The following RICTOR variants were observed in gnomAD, a reference collection of about 807,000 sequenced individuals.
RICTOR encodes RPTOR independent companion of MTOR complex 2, also known as rapamycin-insensitive companion of mTOR.
RICTOR carries 49 observed loss-of-function variants against 214.9 expected under a neutral mutation model. The ratio of observed to expected loss-of-function variants is 0.23; its 90% confidence interval spans 0.18 to 0.29. RICTOR has a LOEUF of 0.29. Among genes scored for constraint, RICTOR ranks in the 10% least tolerant of loss-of-function variants. The pLI is 1.00. For synonymous variants in RICTOR, 717 were observed against 711.3 expected (o/e 1.01, Z -0.13); for missense variants, 1,625 against 2,047.0 (o/e 0.79, Z 3.98).
At chr5:38,964,126 A>AT (rs1337532759) in intron 16 of RICTOR, among the ~76,000 whole-genome samples, 6 of 151,232 alleles carry the variant, frequency 4.0e-5, no homozygotes, top group African/African-American at 1.5e-4. Context: ...TTTGATCATA[A>AT]TAACAAAATA....
At chr5:38,990,594 T>TAC (rs1752558167) in intron 7 of RICTOR, among the ~76,000 whole-genome samples, 2 of 111,728 alleles carry the variant, frequency 1.8e-5, no homozygotes, top group African/African-American at 6.8e-5. Flanking sequence ...ACATGATATA[T>TAC]ACGATATATA....
chr5:38,963,178 T>A (rs1457454487), intron 16 of RICTOR, 137 bp from the exon 17 acceptor site: 1 of 591,446 alleles, frequency 1.7e-6, no homozygotes, highest in African/African-American at 1.9e-5. Context: ...TCATCAAATT[T>A]GGAGAGACAA....
Position 39,074,392 on chromosome 5 carries a change from G to A in RICTOR, c.-15C>T, listed in dbSNP as rs1251277667. 6.5e-7 allele frequency: 1 copy of A among 1,534,872 alleles called. No individual in the cohort carries two copies. The highest frequency in any genetic ancestry group is 8.8e-7 in the Non-Finnish European group (1 of 1,139,800). ...ATCGCCGCCATATTGACGGGTTTCA[G>A]TCACAACACCGGAAACCTCGCCCAA... On this transcript the variant is annotated 5_prime_UTR_variant, in exon 1 of 38. Transcript: ENST00000357387.
chr5:38,961,913 T>A lies in RICTOR; in HGVS notation c.1715+402A>T, dbSNP rs552131521. ...ACATTTGCACGGGTTATGGAAGGTG[T>A]GGTTAAGGAGAATGTAAACAGCAGT... On this transcript the variant is annotated intron_variant, in intron 19 of 37. Coordinates refer to ENST00000357387, the MANE Select transcript of RICTOR (RefSeq NM_152756.5). Among the ~76,000 whole-genome samples, 7 of 152,104 alleles carry A rather than the reference T, an allele frequency of 4.6e-5. No homozygotes were observed. The East Asian group carries it at 1.4e-3, about 29-fold the overall frequency.
chr5:38,966,670 T>A lies in RICTOR; in HGVS notation c.1270A>T (p.Thr424Ser), dbSNP rs781722635. The stretch of plus-strand genomic sequence containing the variant: ...TGTAAAAGCTCTCCTAAAAGGATGG[T>A]AGCTCTAACTGAGATATGATCATCA... ...NSDDHISVRA[T>S]ILLGELLHMA... Residue 424 changes from threonine to serine, a missense_variant, in exon 15 of 38, where the codon ACC becomes TCC. By Grantham distance (58) the Thr-to-Ser change is moderately conservative. Around this residue, in one of 5 missense-constraint regions of RICTOR, gnomAD observed 1,214 missense variants for 1,470.5 expected, o/e 0.83. Transcript: ENST00000357387. 1.3e-6 allele frequency: 2 copies of A among 1,591,960 alleles called. No homozygotes were observed. Among genetic ancestry groups the A allele is most frequent in the South Asian group, 2.2e-5 (2 of 89,242 alleles).
rs116305444 is a variant in RICTOR at position 39,041,850 on chromosome 5, C to T, written c.98-20714G>A. On this transcript the variant is annotated intron_variant, in intron 2 of 37. Transcript: ENST00000357387. ...GGCTACTCCAGAGGCTGATAGTAGG[C>T]GGATCCCTACAGCCTGGGAGTTCAA... 7.9e-3 allele frequency among the ~76,000 whole-genome samples: 1,181 copies of T among 148,622 alleles called. 21 individuals carry two copies. Among genetic ancestry groups the T allele is most frequent in the African/African-American group, 0.029 (1,148 of 40,268 alleles).
intron 5 of RICTOR, among the ~76,000 whole-genome samples, chr5:39,000,702 A>C (rs1294693328): frequency 4.6e-5 from 7 of 152,022 alleles, no homozygotes; most frequent in African/African-American, 1.7e-4. Context: ...ATCTGTAATT[A>C]ATGCTTATAC....
Position 38,949,744 on chromosome 5 carries a change from G to A in RICTOR, c.4104C>T (p.Ala1368=). 6.2e-7 allele frequency: 1 copy of A among 1,613,160 alleles called. No individual in the cohort carries two copies. Among genetic ancestry groups the A allele is most frequent in the Non-Finnish European group, 8.5e-7 (1 of 1,179,418 alleles). ...GTGTTAATCTGGACTCAAAACTGTT[G>A]GCCTTCATGGTGATGGTATCAGTAA... ...VLFTDTITMK[A]NSFESRLTPS... is the part of the protein sequence containing the mutation. The change falls in exon 31 of 38, where the codon GCC becomes GCT. Residue 1368 remains alanine (A), a synonymous_variant. Transcript: ENST00000357387.
Position 38,955,704 on chromosome 5 carries a change from C to G in RICTOR, c.2500G>C (p.Glu834Gln), listed in dbSNP as rs774469282. 6 of 1,499,246 alleles carry G rather than the reference C, an allele frequency of 4.0e-6. No individual in the cohort carries two copies. The highest frequency in any genetic ancestry group is 2.7e-5 in the African/African-American group (2 of 72,916). The allele number at this position is 1,499,246 out of a possible 1,614,324, so 92.9% of individuals were successfully genotyped here. A position where few individuals can be genotyped will look rare whatever the true frequency, so the allele number is the denominator to read the frequency against. Reference sequence around the variant, plus strand: ...AAGTCAACATATTTGGAGTTGTATTCCTAGAGGATAATATTGTTTTAATTG... The same window carrying G: ...AAGTCAACATATTTGGAGTTGTATTGCTAGAGGATAATATTGTTTTAATTG... ...VAKQLEKWHR[E>Q]YNSKYVDLIE... The change falls in exon 26 of 38, where the codon GAA becomes CAA. Residue 834 changes from glutamate (E) to glutamine (Q), a missense_variant and splice_region_variant. Transcript: ENST00000357387.
intron 30 of RICTOR, among the ~76,000 whole-genome samples, chr5:38,951,326 T>C (rs72732737): frequency 0.12 from 17,514 of 152,012 alleles, 1,299 homozygotes; most frequent in Non-Finnish European, 0.16. Flanking sequence ...TTTTATTAAC[T>C]TTTCTGTTGA....
At chr5:38,955,529 A>G in intron 26 of RICTOR, 66 bp downstream of exon 26, 1 of 896,730 alleles carries the variant, frequency 1.1e-6, no homozygotes, top group Non-Finnish European at 1.8e-6. Flanking sequence ...AGAATATACA[A>G]AAACTCAGAA....
intron 5 of RICTOR, among the ~76,000 whole-genome samples, chr5:39,000,124 G>C (rs1305829735): frequency 6.6e-6 from 1 of 151,756 alleles, no homozygotes; most frequent in East Asian, 1.9e-4. Context: ...ACAAGAAAAA[G>C]AAAAGTCAGG....
intron 5 of RICTOR, among the ~76,000 whole-genome samples, chr5:39,001,618 G>A (rs934370782): frequency 6.6e-6 from 1 of 152,022 alleles, no homozygotes; most frequent in Non-Finnish European, 1.5e-5. Context: ...AAGGCAAACT[G>A]AAACAAGACA....
At chr5:39,020,061 G>A (rs1457947324) in intron 3 of RICTOR, among the ~76,000 whole-genome samples, 1 of 152,156 alleles carries the variant, frequency 6.6e-6, no homozygotes, top group African/African-American at 2.4e-5. Flanking sequence ...ATTAGAGGGG[G>A]AGCCTGAAGA....
intron 24 of RICTOR, among the ~76,000 whole-genome samples, chr5:38,958,109 C>T (rs180702748): frequency 2.2e-4 from 33 of 151,888 alleles, no homozygotes; most frequent in Middle Eastern, 3.4e-3. Context: ...TGGTGGTGTG[C>T]GCCTTTAGTC....
chr5:38,959,243 A>G lies in RICTOR; in HGVS notation c.2130T>C (p.Asp710=). The G allele has an allele frequency of 1.2e-6, 2 of 1,604,632 alleles. No individual in the cohort carries two copies. Among genetic ancestry groups the G allele is most frequent in the Non-Finnish European group, 1.7e-6 (2 of 1,174,318 alleles). Residue 710 remains aspartate, a synonymous_variant, in exon 22 of 38, where the codon GAT becomes GAC. Transcript: ENST00000357387. ...LTVSSLDYSR[D]GLARVILSKI... ...TGGAAAGGATGACTCTAGCCAATCC[A>G]TCTCTGCTATAGTCCAAGCTAGAAA...
intron 3 of RICTOR, among the ~76,000 whole-genome samples, chr5:39,006,123 G>C (rs1239249): frequency 1.3e-5 from 2 of 152,094 alleles, no homozygotes; most frequent in Non-Finnish European, 2.9e-5. Flanking sequence ...CTTGAATCCC[G>C]TTTCCTGCCC....
intron 2 of RICTOR, among the ~76,000 whole-genome samples, chr5:39,063,737 T>C (rs1345869956): frequency 6.6e-6 from 1 of 151,890 alleles, no homozygotes; most frequent in Non-Finnish European, 1.5e-5. Flanking sequence ...AACTAACCCA[T>C]GTGATCATAT....
At chr5:38,995,940 C>T (rs1216400085) in intron 6 of RICTOR, among the ~76,000 whole-genome samples, 1 of 152,098 alleles carries the variant, frequency 6.6e-6, no homozygotes, top group Admixed American at 6.5e-5. Flanking sequence ...TACTTGTTCA[C>T]CTGTGAGTAC....
Sources: allele counts gnomAD v4.1 joint callset (sites outside exome capture counted in the v4.1 genomes callset), GRCh38; gene constraint gnomAD v4.1.1; regional missense constraint gnomAD v4.1.1; transcripts MANE v1.5; gene names NCBI Gene and HGNC (gene_info 2026-07-23, HGNC 2026-07-21).